Variants in CSMD2 observed in about 807,000 individuals in gnomAD.
CSMD2 encodes the protein CUB and sushi domain-containing protein 2.
Under a neutral mutation model 398.5 loss-of-function variants are expected in CSMD2, and 130 were observed. The observed-to-expected ratio is 0.33, with a 90% CI of 0.28 to 0.38. CSMD2 has a LOEUF of 0.38. CSMD2 is among the 10% of genes least tolerant of loss of function. The probability of loss-of-function intolerance (pLI) is 1.00; values close to 1 mark genes in which losing one functional copy is unlikely to be tolerated. For synonymous variants in CSMD2, 1,828 were observed against 1,908.5 expected (o/e 0.96, Z 1.10); for missense variants, 3,829 against 4,764.9 (o/e 0.80, Z 5.78).
chr1:33,542,086 G>A lies in CSMD2; in HGVS notation c.9277+634C>T, dbSNP rs115025264. 9.4e-3 allele frequency among the ~76,000 whole-genome samples: 1,434 copies of A among 152,256 alleles called. 23 individuals are homozygous for A. Among genetic ancestry groups the A allele is most frequent in the African/African-American group, 0.033 (1,362 of 41,530 alleles). On this transcript the variant is annotated intron_variant, in intron 58 of 70. Coordinates refer to ENST00000373381, the MANE Select transcript of CSMD2 (RefSeq NM_001281956.2). ...TTGACACGGGATTTCAGAGGGAGTCGAAATCACAGACTAGGACTTTGACAG... is the reference window on the plus strand; with the variant it reads ...TTGACACGGGATTTCAGAGGGAGTCAAAATCACAGACTAGGACTTTGACAG...
intron 68 of CSMD2, among the ~76,000 whole-genome samples, chr1:33,520,945 A>G (rs1027409436): frequency 2.0e-5 from 3 of 152,192 alleles, no homozygotes; most frequent in African/African-American, 7.2e-5. Context: ...GATGTTTGAC[A>G]TGGATGACAG....
intron 11 of CSMD2, among the ~76,000 whole-genome samples, chr1:33,789,263 T>C (rs941265657): frequency 5.9e-5 from 9 of 152,132 alleles, no homozygotes; most frequent in African/African-American, 2.2e-4. Context: ...CACATTCTTA[T>C]TGAAGAAGAG....
intron 56 of CSMD2, among the ~76,000 whole-genome samples, chr1:33,549,780 C>T (rs1248931902): frequency 1.3e-5 from 2 of 152,010 alleles, no homozygotes; most frequent in East Asian, 3.9e-4. Flanking sequence ...TGGACCTGAG[C>T]ACGAGTCTGA....
intron 17 of CSMD2, among the ~76,000 whole-genome samples, chr1:33,725,007 G>C (rs1306428536): frequency 1.3e-5 from 2 of 152,230 alleles, no homozygotes; most frequent in African/African-American, 4.8e-5. Context: ...GAGGTGATGA[G>C]GAAGGACAAG....
At chr1:33,800,898 C>A (rs762513663) in intron 10 of CSMD2, among the ~76,000 whole-genome samples, 2 of 152,170 alleles carry the variant, frequency 1.3e-5, no homozygotes, top group Non-Finnish European at 2.9e-5. Flanking sequence ...ACACGGCAAA[C>A]CTCTGATCGC....
intron 1 of CSMD2, among the ~76,000 whole-genome samples, chr1:34,096,084 T>A (rs1659260837): frequency 6.6e-6 from 1 of 151,900 alleles, no homozygotes; most frequent in South Asian, 2.1e-4. Context: ...GCTTCATCCC[T>A]GGGATGCAAG....
intron 4 of CSMD2, among the ~76,000 whole-genome samples, chr1:33,935,296 A>AT (rs1490039252): frequency 3.3e-5 from 5 of 152,072 alleles, no homozygotes; most frequent in Admixed American, 6.6e-5. Flanking sequence ...GAGTAAAGAG[A>AT]TTTTGAGCAT....
chr1:34,034,973 T>C (rs1650932254), intron 2 of CSMD2, among the ~76,000 whole-genome samples: 1 of 152,088 alleles, frequency 6.6e-6, no homozygotes, highest in Non-Finnish European at 1.5e-5. Context: ...ACCTAATTAA[T>C]ATAAAAATGT....
rs1268049106 is a variant in CSMD2, at chr1:33,658,001, G to A, written c.4392C>T (p.Ser1464=). The stretch of plus-strand genomic sequence containing the variant: ...AGAACCTGTTCTCGATCTTCACACA[G>A]CTGATCTCTGCACTTCCCTGCAGCG... The part of the protein sequence containing the change: ...GYALQGSAEI[S]CVKIENRFFW... Residue 1464 remains serine, a synonymous_variant, in exon 27 of 71, where the codon AGC becomes AGT. Transcript: ENST00000373381. The A allele has an allele frequency of 6.2e-7, 1 of 1,614,092 alleles. No homozygotes were observed. The highest frequency in any genetic ancestry group is 8.5e-7 in the Non-Finnish European group (1 of 1,180,034).
intron 1 of CSMD2, among the ~76,000 whole-genome samples, chr1:34,103,847 T>C (rs1660267175): frequency 6.6e-6 from 1 of 152,214 alleles, no homozygotes; most frequent in Admixed American, 6.5e-5. Context: ...TTATGGTTTA[T>C]TTTGGAAGTG....
At chr1:34,001,868 T>C (rs1385197394) in intron 3 of CSMD2, among the ~76,000 whole-genome samples, 2 of 152,174 alleles carry the variant, frequency 1.3e-5, no homozygotes, top group Non-Finnish European at 2.9e-5. Flanking sequence ...CCTCCTCCTC[T>C]TCAATGCAGG....
chr1:34,107,460 G>A (rs1223926196), intron 1 of CSMD2, among the ~76,000 whole-genome samples: 1 of 152,006 alleles, frequency 6.6e-6, no homozygotes, highest in African/African-American at 2.4e-5. Flanking sequence ...TATGAGATAG[G>A]TACTATTACT....
chr1:33,657,881 G>T, intron 27 of CSMD2, 65 bp downstream of exon 27: 1 of 1,460,440 alleles, frequency 6.8e-7, no homozygotes, highest in Non-Finnish European at 9.4e-7. Flanking sequence ...TGCTGTGCAT[G>T]GAAGGTTCTG....
At chr1:34,008,156 T>C (rs1368220711) in intron 3 of CSMD2, among the ~76,000 whole-genome samples, 1 of 152,148 alleles carries the variant, frequency 6.6e-6, no homozygotes, top group Non-Finnish European at 1.5e-5. Context: ...AGGTGAAAAA[T>C]AAAACCACAG....
At chr1:34,080,949 A>AGAAAGAAG (rs1372637304) in intron 2 of CSMD2, among the ~76,000 whole-genome samples, 27 of 127,940 alleles carry the variant, frequency 2.1e-4, no homozygotes, top group Non-Finnish European at 1.5e-5. Context: ...AAAGAAAGAA[A>AGAAAGAAG]GAAAGAAAGA....
chr1:33,866,049 A>G (rs1428090753), intron 5 of CSMD2, among the ~76,000 whole-genome samples: 1 of 152,068 alleles, frequency 6.6e-6, no homozygotes, highest in Non-Finnish European at 1.5e-5. Flanking sequence ...CTCCACCTCT[A>G]AGGACCCCTA....
intron 1 of CSMD2, among the ~76,000 whole-genome samples, chr1:34,149,091 A>T (rs1015732559): frequency 1.3e-5 from 2 of 152,224 alleles, no homozygotes; most frequent in Non-Finnish European, 2.9e-5. Flanking sequence ...GAATAAATGA[A>T]TGAATGCCAT....
chr1:33,694,134 A>G (rs1464647557), intron 24 of CSMD2, among the ~76,000 whole-genome samples: 1 of 152,244 alleles, frequency 6.6e-6, no homozygotes, highest in African/African-American at 2.4e-5. Context: ...TGAACGCTGA[A>G]AACATTAGTT....
chr1:33,743,926 C>T (rs1216564837), intron 13 of CSMD2, among the ~76,000 whole-genome samples: 1 of 152,180 alleles, frequency 6.6e-6, no homozygotes, highest in Non-Finnish European at 1.5e-5. Context: ...ATCAATCCAT[C>T]CAACTGTCTA....
Sources: gnomAD v4.1 joint callset for allele counts (sites outside exome capture counted in the v4.1 genomes callset) on GRCh38, gnomAD v4.1.1 for gene constraint, MANE v1.5 for transcripts, NCBI Gene and HGNC (gene_info 2026-07-23, HGNC 2026-07-21) for gene names.